Variants in MAPK10 observed in about 807,000 individuals in gnomAD.
The protein encoded by MAPK10 is mitogen-activated protein kinase 10.
Under a neutral mutation model 59.3 loss-of-function variants are expected in MAPK10, and 25 were observed. The ratio of observed to expected loss-of-function variants is 0.42; its 90% CI spans 0.31 to 0.59. The LOEUF is 0.59. MAPK10 is among the 20% of genes least tolerant of loss of function. The pLI, the probability that MAPK10 is intolerant of heterozygous loss-of-function variation, is 0.15. For synonymous variants in MAPK10, 190 were observed against 200.5 expected (o/e 0.95, Z 0.44); for missense variants, 351 against 568.9 (o/e 0.62, Z 3.90).
At chr4:86,548,279 C>T (rs578166827) in intron 1 of MAPK10, among the ~76,000 whole-genome samples, 7 of 152,172 alleles carry the variant, frequency 4.6e-5, no homozygotes, top group East Asian at 1.9e-4. Context: ...CCTGAGCCAG[C>T]GAGACCGCGA....
At chr4:86,225,761 G>T (rs975050064) in intron 2 of MAPK10, among the ~76,000 whole-genome samples, 1 of 152,132 alleles carries the variant, frequency 6.6e-6, no homozygotes, top group Non-Finnish European at 1.5e-5. Context: ...TTACCTAGAT[G>T]CATTTAAGAG....
intron 1 of MAPK10, among the ~76,000 whole-genome samples, chr4:86,543,217 G>C (rs1170922793): frequency 6.6e-6 from 1 of 152,100 alleles, no homozygotes; most frequent in Admixed American, 6.6e-5. Context: ...AGTACACCAG[G>C]AATTGAGCTA....
intron 1 of MAPK10, among the ~76,000 whole-genome samples, chr4:86,521,827 C>T (rs1399545602): frequency 1.3e-5 from 2 of 152,168 alleles, no homozygotes; most frequent in Non-Finnish European, 2.9e-5. Flanking sequence ...CATTCACCAT[C>T]CCCCTACCAC....
intron 2 of MAPK10, among the ~76,000 whole-genome samples, chr4:86,266,355 A>G (rs1171742970): frequency 1.3e-5 from 2 of 152,202 alleles, no homozygotes; most frequent in Non-Finnish European, 2.9e-5. Flanking sequence ...GTTATTCAAC[A>G]ATCAGTACTT....
chr4:86,165,542 A>C (rs796878441), intron 3 of MAPK10, among the ~76,000 whole-genome samples: 25 of 102,010 alleles, frequency 2.5e-4, no homozygotes, highest in African/African-American at 8.0e-4. Context: ...ACTCCCAGAT[A>C]ATTTTTTTTT....
intron 2 of MAPK10, among the ~76,000 whole-genome samples, chr4:86,302,629 T>C (rs1305656156): frequency 1.3e-5 from 2 of 152,074 alleles, no homozygotes; most frequent in South Asian, 4.2e-4. Context: ...ATTTAGGGAG[T>C]AAATACTGGA....
intron 1 of MAPK10, among the ~76,000 whole-genome samples, chr4:86,510,919 AG>A (rs765671951): frequency 6.6e-6 from 1 of 152,202 alleles, no homozygotes; most frequent in Non-Finnish European, 1.5e-5. Context: ...AGGTTGGTTA[AG>A]GGTACAAAAT....
chr4:86,491,123 G>C (rs1754422845), intron 1 of MAPK10, among the ~76,000 whole-genome samples: 1 of 151,940 alleles, frequency 6.6e-6, no homozygotes, highest in African/African-American at 2.4e-5. Flanking sequence ...TGAGCTGTGT[G>C]GATCAGAGGC....
intron 1 of MAPK10, among the ~76,000 whole-genome samples, chr4:86,366,322 T>C (rs1324736202): frequency 6.6e-6 from 1 of 152,188 alleles, no homozygotes; most frequent in Non-Finnish European, 1.5e-5. Context: ...TTGATAGAGA[T>C]GTGAGTTATA....
At chr4:86,520,404 G>A (rs1757027033) in intron 1 of MAPK10, among the ~76,000 whole-genome samples, 1 of 151,942 alleles carries the variant, frequency 6.6e-6, no homozygotes, top group Non-Finnish European at 1.5e-5. Context: ...TGATTCTATT[G>A]TTGAAATTTT....
At position 86,044,416 on chromosome 4, in the gene MAPK10, A is replaced by G. The variant is rs78715905; in HGVS notation, c.1111-12985T>C. On this transcript the variant is annotated intron_variant, in intron 11 of 13. Transcript: ENST00000641462. ...ATTTTTAAACTTCCCAAATGATTCT[A>G]ACATGCAGCAAAGATTAAGACCTCT... 1,499 of 230,480 alleles carry G rather than the reference A, an allele frequency of 6.5e-3. 79 individuals are homozygous for G. In the East Asian group the frequency reaches 0.11, roughly 17 times the overall value. The allele number at this position is 230,480 out of a possible 1,614,324, so 14.3% of individuals were successfully genotyped here. A position where few individuals can be genotyped will look rare whatever the true frequency, so the allele number is the denominator to read the frequency against.
chr4:86,023,368 A>G (rs1354192272), intron 13 of MAPK10, among the ~76,000 whole-genome samples: 3 of 152,174 alleles, frequency 2.0e-5, no homozygotes, highest in Non-Finnish European at 4.4e-5. Flanking sequence ...CAGAACATGT[A>G]AATTTCCCAG....
At chr4:86,035,459 G>A (rs149770088) in intron 11 of MAPK10, among the ~76,000 whole-genome samples, 5 of 150,562 alleles carry the variant, frequency 3.3e-5, no homozygotes, top group East Asian at 3.9e-4. Context: ...GTAAGAGAAC[G>A]GAACAGTGAA....
rs961770819 is a variant in MAPK10 at position 86,012,651 on chromosome 4, A to C, written c.*4577T>G. 1.3e-5 allele frequency: 2 copies of C among 152,228 alleles called. No homozygotes were observed. The highest frequency in any genetic ancestry group is 2.9e-5 in the Non-Finnish European group (2 of 68,032). The allele number at this position is 152,228 out of a possible 1,614,324, so 9.4% of individuals were successfully genotyped here. On this transcript the variant is annotated 3_prime_UTR_variant, in exon 14 of 14. Coordinates refer to ENST00000641462, the MANE Select transcript of MAPK10 (RefSeq NM_138982.4). ...TTGAAAATAAAAGAAGACAAAATAG[A>C]AAGGAAAGGGTGTGAGAAAGAACAC...
chr4:86,592,327 T>C (rs565093539), intron 1 of MAPK10, among the ~76,000 whole-genome samples: 2 of 151,420 alleles, frequency 1.3e-5, no homozygotes, highest in Non-Finnish European at 2.9e-5. Context: ...GAAAATGCCT[T>C]GAGGGCAACC....
chr4:86,013,996 G>A lies in MAPK10; in HGVS notation c.*3232C>T, dbSNP rs1742257273. On this transcript the variant is annotated 3_prime_UTR_variant, in exon 14 of 14. Transcript: ENST00000641462. ...ATAGTAAAGACATATTAATAGTAAA[G>A]TGGTGGCGGTTTTGCCAAACTCTTG... 6 of 152,316 alleles carry A rather than the reference G, an allele frequency of 3.9e-5. No homozygotes were observed. In the South Asian group the frequency reaches 1.2e-3, roughly 32 times the overall value. 9.4% of individuals were successfully genotyped at this position (152,316 alleles called of 1,614,324 possible). A position where few individuals can be genotyped will look rare whatever the true frequency, so the allele number is the denominator to read the frequency against.
At chr4:86,077,891 C>T (rs534190223) in intron 9 of MAPK10, among the ~76,000 whole-genome samples, 1 of 152,208 alleles carries the variant, frequency 6.6e-6, no homozygotes, top group South Asian at 2.1e-4. Context: ...ATATTAGCTT[C>T]GTAGGAAAGA....
rs34648043 is a variant in MAPK10, at chr4:86,281,851, C to CA, written c.-7+72678dup. ...AATACAACTATTGATTGGACTGATG[C>CA]AAAAAAAAAATGGCTCATAGTTTGG... On this transcript the variant is annotated intron_variant, in intron 2 of 13. Transcript: ENST00000641462. 7.3e-4 allele frequency among the ~76,000 whole-genome samples: 106 copies of CA among 145,548 alleles called. 1 individual carries two copies. Among genetic ancestry groups the CA allele is most frequent in the Middle Eastern group, 3.5e-3 (1 of 282 alleles).
chr4:86,040,848 A>T (rs2041371299), intron 11 of MAPK10: 1 of 152,152 alleles, frequency 6.6e-6, no homozygotes, highest in Non-Finnish European at 1.5e-5. Flanking sequence ...TAAAATAAAA[A>T]AACTATCAAT....
Sources: gnomAD v4.1 joint callset for allele counts (sites outside exome capture counted in the v4.1 genomes callset) on GRCh38, gnomAD v4.1.1 for gene constraint, MANE v1.5 for transcripts, NCBI Gene and HGNC (gene_info 2026-07-23, HGNC 2026-07-21) for gene names.